PIGN: variants seen among roughly 807,000 people sequenced by gnomAD.
PIGN encodes GPI ethanolamine phosphate transferase 1.
PIGN carries 117 observed loss-of-function variants against 125.4 expected under a neutral mutation model. The observed-to-expected ratio is 0.93, with a 90% CI of 0.80 to 1.09. PIGN has a LOEUF of 1.09. Ranked by LOEUF, PIGN falls within the 50% of genes least tolerant of loss-of-function variation. The pLI is 0.00. For synonymous variants in PIGN, 392 were observed against 377.8 expected, an observed-to-expected ratio of 1.04 and a Z score of -0.44; for missense variants, 1,075 against 1,094.9, an observed-to-expected ratio of 0.98 and a Z score of 0.26.
At chr18:62,097,596 T>C (rs2034264538) in intron 22 of PIGN, among the ~76,000 whole-genome samples, 1 of 152,156 alleles carries the variant, frequency 6.6e-6, no homozygotes, top group South Asian at 2.1e-4. Context: ...AAATGAATTA[T>C]TTTCTAATGA....
At chr18:62,152,426 C>T (rs1441133519) in intron 7 of PIGN, among the ~76,000 whole-genome samples, 1 of 151,890 alleles carries the variant, frequency 6.6e-6, no homozygotes, top group Non-Finnish European at 1.5e-5. Flanking sequence ...CCCCTTATGG[C>T]CTGAATCAGT....
downstream of PIGN, among the ~76,000 whole-genome samples, chr18:62,037,388 G>A (rs905824940): frequency 2.0e-5 from 3 of 152,250 alleles, no homozygotes; most frequent in Non-Finnish European, 4.4e-5. Context: ...GGTTGGTGTT[G>A]TATGGGCCAT....
At chr18:62,150,475 T>C (rs754394425) in intron 7 of PIGN, among the ~76,000 whole-genome samples, 41 of 152,162 alleles carry the variant, frequency 2.7e-4, no homozygotes, top group Non-Finnish European at 5.0e-4. Flanking sequence ...GAAGACCTAA[T>C]AGAGAAGAAG....
At chr18:62,133,036 C>T (rs905498753) in intron 14 of PIGN, among the ~76,000 whole-genome samples, 11 of 152,122 alleles carry the variant, frequency 7.2e-5, no homozygotes, top group Admixed American at 7.2e-4. Context: ...TTTGAGTACC[C>T]ACACAATCAT....
chr18:62,116,035 T>C (rs1311167422), intron 14 of PIGN, among the ~76,000 whole-genome samples: 1 of 152,174 alleles, frequency 6.6e-6, no homozygotes, highest in Non-Finnish European at 1.5e-5. Context: ...GGTTCTCATG[T>C]TGCAGACTGC....
At position 62,140,555 on chromosome 18, in the gene PIGN, T is replaced by C; in HGVS notation, c.964-76A>G. ...AATTAAATAATGTAATGCAACCATA[T>C]TTTGGAAAATAACCATGATATTTGT... On this transcript the variant is annotated intron_variant, in intron 11 of 30. Transcript: ENST00000640252. The C allele has an allele frequency of 1.4e-6, 1 of 714,822 alleles. No individual in the cohort carries two copies. The highest frequency in any genetic ancestry group is 1.8e-5 in the South Asian group (1 of 56,354). The allele number at this position is 714,822 out of a possible 1,614,324, so 44.3% of individuals were successfully genotyped here.
At chr18:62,154,255 G>A (rs1189620360) in intron 7 of PIGN, 1 of 442,162 alleles carries the variant, frequency 2.3e-6, no homozygotes, top group Non-Finnish European at 3.9e-6. Flanking sequence ...TGATTCCATG[G>A]TCAATGAAAG....
chr18:62,037,348 TA>T (rs1380314844), downstream of PIGN, among the ~76,000 whole-genome samples: 1 of 152,236 alleles, frequency 6.6e-6, no homozygotes, highest in Non-Finnish European at 1.5e-5. Flanking sequence ...TCAGTTTTCT[TA>T]TCTGGAAAAT....
intron 6 of PIGN, among the ~76,000 whole-genome samples, chr18:62,155,384 T>C (rs750406937): frequency 3.9e-5 from 6 of 151,962 alleles, no homozygotes; most frequent in Admixed American, 6.6e-5. Flanking sequence ...CTGGCCAACA[T>C]GATGAAACCC....
At chr18:62,079,642 C>A in intron 28 of PIGN, among the ~76,000 whole-genome samples, 1 of 147,938 alleles carries the variant, frequency 6.8e-6, no homozygotes. Context: ...ATGGAAGAAG[C>A]AAATCTTGAC....
intron 1 of PIGN, among the ~76,000 whole-genome samples, chr18:62,171,032 T>TA (rs764076002): frequency 1.3e-5 from 2 of 152,160 alleles, no homozygotes; most frequent in Non-Finnish European, 2.9e-5. Flanking sequence ...TCAGTATCTA[T>TA]AAAAAAGCAT....
At chr18:62,046,786 A>G (rs1182104118) in intron 30 of PIGN, among the ~76,000 whole-genome samples, 1 of 152,188 alleles carries the variant, frequency 6.6e-6, no homozygotes, top group Non-Finnish European at 1.5e-5. Context: ...TTAAAAAAAT[A>G]TTTTCAACCT....
At chr18:62,033,341 A>G (rs891615136) in intron 23 of PIGN, among the ~76,000 whole-genome samples, 1 of 152,354 alleles carries the variant, frequency 6.6e-6, no homozygotes, top group Admixed American at 6.5e-5. Context: ...AAGCATACCG[A>G]TAAGAGGCTG....
Position 62,041,269 on chromosome 18 carries a change from G to A in PIGN, c.*4587C>T, listed in dbSNP as rs998271985. 5.3e-5 allele frequency: 8 copies of A among 152,172 alleles called. No homozygotes were observed. Among genetic ancestry groups the A allele is most frequent in the East Asian group, 1.9e-4 (1 of 5,196 alleles). The allele number at this position is 152,172 out of a possible 1,614,324, so 9.4% of individuals were successfully genotyped here. ...GCTAGACAATGAGCCATGATGAACC[G>A]AATGCAATCTGGTACCACTGGCCTT... On this transcript the variant is annotated 3_prime_UTR_variant, in exon 31 of 31. Transcript: ENST00000640252.
chr18:62,133,090 A>G (rs1300125834), intron 14 of PIGN, among the ~76,000 whole-genome samples: 8 of 152,174 alleles, frequency 5.3e-5, no homozygotes, highest in Admixed American at 5.2e-4. Flanking sequence ...ATTACATGAG[A>G]TATTCAATAC....
At chr18:62,185,897 C>G (rs1599718544) in intron 1 of PIGN, among the ~76,000 whole-genome samples, 1 of 152,190 alleles carries the variant, frequency 6.6e-6, no homozygotes, top group African/African-American at 2.4e-5. Flanking sequence ...AAGCATTCAA[C>G]TTTTAAAATA....
In PIGN at chr18:62,085,224, A is replaced by G. The variant is rs199672087; in HGVS notation, c.2411T>C (p.Ile804Thr). Residue 804 changes from isoleucine to threonine, a missense_variant, in exon 26 of 31, where the codon ATA becomes ACA. Ile to Thr is a moderately conservative substitution (Grantham distance 89). Coordinates refer to ENST00000640252, the MANE Select transcript of PIGN (RefSeq NM_176787.5). ...TTAAAATTACCTGTTAATAGAAGCT[A>G]TATTTCCAGTTCCAAAAAATGCTGT... ...LVTAFFGTGN[I>T]ASINSFDLAS... 1.7e-5 allele frequency: 26 copies of G among 1,538,012 alleles called. 1 individual carries two copies. The Middle Eastern group carries it at 1.5e-3, about 90-fold the overall frequency.
rs1428450779 is a variant in PIGN at position 62,167,107 on chromosome 18, C to T, written c.-235-3451G>A. Among the ~76,000 whole-genome samples, 4 of 152,030 alleles carry T rather than the reference C, an allele frequency of 2.6e-5. No individual in the cohort carries two copies. The South Asian group carries it at 8.3e-4, about 32-fold the overall frequency. On this transcript the variant is annotated intron_variant, in intron 1 of 30. Transcript: ENST00000640252. The stretch of plus-strand genomic sequence containing the variant: ...ATATTTATTTAGTGTATCTCTTCCA[C>T]TAGAATGTAAGCTCCTTAAGAACAC...
rs1363673639 is a variant in PIGN at position 62,140,188 on chromosome 18, AAAG to A, written c.1023+229_1023+231del. Among the ~76,000 whole-genome samples the A allele has an allele frequency of 5.3e-5, 8 of 152,230 alleles. No homozygotes were observed. The East Asian group carries it at 1.5e-3, about 29-fold the overall frequency. On this transcript the variant is annotated intron_variant, in intron 12 of 30. Coordinates refer to ENST00000640252, the MANE Select transcript of PIGN (RefSeq NM_176787.5). Reference sequence around the variant, plus strand: ...GGAATATATAGTTTTAAATGTAATCAAAGATTATATAAGCTGGAAGCAGTGGTG... The same window carrying A: ...GGAATATATAGTTTTAAATGTAATCAATTATATAAGCTGGAAGCAGTGGTG...
Sources: gnomAD v4.1 joint callset for allele counts (sites outside exome capture counted in the v4.1 genomes callset) on GRCh38, gnomAD v4.1.1 for gene constraint, MANE v1.5 for transcripts, NCBI Gene and HGNC (gene_info 2026-07-23, HGNC 2026-07-21) for gene names.